The following RNF213 variants were observed in gnomAD, a reference collection of about 807,000 sequenced individuals.
RNF213 encodes the protein ring finger protein 213, also known as E3 ubiquitin-protein ligase RNF213.
Under a neutral mutation model 514.4 loss-of-function variants are expected in RNF213, and 341 were observed. The ratio of observed to expected loss-of-function variants is 0.66; its 90% CI spans 0.61 to 0.73. RNF213 has a LOEUF of 0.73. RNF213 is among the 30% of genes least tolerant of loss of function. RNF213 has a pLI of 0.00. For missense variants in RNF213, 5,767 were observed against 6,615.6 expected (o/e 0.87, Z 4.45); for synonymous variants, 2,655 against 2,658.2 (o/e 1.00, Z 0.04).
chr17:80,281,171 A>C (rs1483326766), intron 3 of RNF213, among the ~76,000 whole-genome samples: 2 of 91,626 alleles, frequency 2.2e-5, no homozygotes, highest in Non-Finnish European at 4.2e-5. Flanking sequence ...ACCCCCACAC[A>C]TACCCTCCAC....
chr17:80,328,267 G>A lies in RNF213; in HGVS notation c.3368-61G>A, dbSNP rs148111185. ...GAAGGTGCGGCGCTTTCAAAGCATT[G>A]CCATGGAAAATGGCATTTGTTGCTG... On this transcript the variant is annotated intron_variant, in intron 19 of 67. Transcript: ENST00000582970. 2.0e-6 allele frequency: 3 copies of A among 1,494,260 alleles called. No homozygotes were observed. In the Admixed American group the frequency reaches 6.4e-5, roughly 32 times the overall value. The allele number at this position is 1,494,260 out of a possible 1,614,324, so 92.6% of individuals were successfully genotyped here.
At position 80,361,752 on chromosome 17, in the gene RNF213, T is replaced by C. The variant is rs780856126; in HGVS notation, c.11219T>C (p.Val3740Ala). 11 of 1,613,700 alleles carry C rather than the reference T, an allele frequency of 6.8e-6. No individual in the cohort carries two copies. The highest frequency in any genetic ancestry group is 9.3e-6 in the Non-Finnish European group (11 of 1,179,826). Residue 3740 changes from valine (V) to alanine (A), a missense_variant, in exon 39 of 68, where the codon GTG becomes GCG. Physicochemically the swap from Val to Ala is moderately conservative, Grantham distance 64. Around this residue, in one of 13 missense-constraint regions of RNF213, gnomAD observed 355 missense variants for 358.0 expected, o/e 0.99. Transcript: ENST00000582970. ...TDAEGLPKKFVDIFQQTPLGR... is the reference protein window; with the variant it reads ...TDAEGLPKKFADIFQQTPLGR... ...TCTGCAGGACTGCCCAAGAAGTTCG[T>C]GGACATCTTTCAGCAGACTCCTCTG...
In RNF213 at chr17:80,374,088, C is replaced by T. The variant is rs189883986; in HGVS notation, c.12943-370C>T. On this transcript the variant is annotated intron_variant, in intron 49 of 67. Coordinates refer to ENST00000582970, the MANE Select transcript of RNF213 (RefSeq NM_001256071.3). The stretch of plus-strand genomic sequence containing the variant: ...CAGAAATTAACAAATTCTTATTGTC[C>T]AGGGGATACAAAAATGGTACTAAGA... Among the ~76,000 whole-genome samples, 222 of 152,110 alleles carry T rather than the reference C, an allele frequency of 1.5e-3. 1 individual carries two copies. The highest frequency in any genetic ancestry group is 1.6e-3 in the Non-Finnish European group (106 of 68,004).
intron 54 of RNF213, 145 bp from the exon 55 acceptor site, chr17:80,379,475 C>T: frequency 1.3e-6 from 1 of 799,490 alleles, no homozygotes; most frequent in Non-Finnish European, 2.2e-6. Context: ...ATGGGTTCTC[C>T]ACCCACCCGA....
chr17:80,286,291 T>G (rs554923859), intron 3 of RNF213, among the ~76,000 whole-genome samples: 23 of 122,378 alleles, frequency 1.9e-4, no homozygotes, highest in East Asian at 5.0e-4. Context: ...GGTCGGGGGG[T>G]GGGGGCGCCT....
intron 8 of RNF213, 56 bp downstream of exon 8, chr17:80,291,883 C>T (rs1266164725): frequency 1.6e-5 from 25 of 1,586,854 alleles, no homozygotes; most frequent in East Asian, 9.0e-5. Context: ...GTGCCAATCC[C>T]GCGGTACTGG....
In RNF213 at chr17:80,273,397, T is replaced by C; in HGVS notation, c.254T>C (p.Val85Ala). ...EEPCSKASWT[V>A]QESKKKKRKK... is the part of the protein sequence containing the mutation. ...CCCTGTTCCAAAGCCTCCTGGACCGTCCAAGAAGTGAGTGCACTGCCTCGG... is the reference window on the plus strand; with the variant it reads ...CCCTGTTCCAAAGCCTCCTGGACCGCCCAAGAAGTGAGTGCACTGCCTCGG... Residue 85 changes from valine to alanine, a missense_variant, in exon 3 of 68, where the codon GTC becomes GCC. Physicochemically the swap from Val to Ala is moderately conservative, Grantham distance 64. Around this residue, in one of 13 missense-constraint regions of RNF213, gnomAD observed 509 missense variants for 496.7 expected, o/e 1.02. Coordinates refer to ENST00000582970, the MANE Select transcript of RNF213 (RefSeq NM_001256071.3). The C allele has an allele frequency of 6.2e-7, 1 of 1,612,586 alleles. No individual in the cohort carries two copies. The highest frequency in any genetic ancestry group is 8.5e-7 in the Non-Finnish European group (1 of 1,179,884).
At chr17:80,269,456 T>C (rs12949523) in intron 2 of RNF213, among the ~76,000 whole-genome samples, 75,403 of 148,894 alleles carry the variant, frequency 0.51, 19,257 homozygotes, top group East Asian at 0.62. Flanking sequence ...ATCCATCTAT[T>C]CATCCATCCA....
intron 46 of RNF213, among the ~76,000 whole-genome samples, chr17:80,370,883 A>G (rs2079492562): frequency 6.6e-6 from 1 of 152,250 alleles, no homozygotes; most frequent in South Asian, 2.1e-4. Flanking sequence ...GTTGGTGATG[A>G]TAACATTCAA....
rs767001783 is a variant in RNF213 at position 80,306,270 on chromosome 17, T to C, written c.2229T>C (p.Phe743=). ...TATGCAGGAGTTCCCTACTTCAGTT[T>C]ATGAGAGAGAAGCAGCATTTGCTGA... ...QMLDTSSLLQ[F]MREKQHLLSI... Residue 743 remains phenylalanine, a synonymous_variant, in exon 12 of 68, where the codon TTT becomes TTC. Transcript: ENST00000582970. 3.1e-6 allele frequency: 5 copies of C among 1,614,070 alleles called. No individual in the cohort carries two copies. The African/African-American group carries it at 6.7e-5, about 22-fold the overall frequency.
intron 46 of RNF213, 93 bp from the exon 47 acceptor site, chr17:80,371,781 C>G (rs988790993): frequency 1.4e-6 from 1 of 725,052 alleles, no homozygotes; most frequent in Non-Finnish European, 2.5e-6. Context: ...CACACACACA[C>G]AGGACAGACG....
chr17:80,364,767 A>T lies in RNF213; in HGVS notation c.11871+214A>T, dbSNP rs934422509. On this transcript the variant is annotated intron_variant, in intron 42 of 67. Coordinates refer to ENST00000582970, the MANE Select transcript of RNF213 (RefSeq NM_001256071.3). The stretch of plus-strand genomic sequence containing the variant: ...CCTCTGCTGATTGCTAAGTCAGAGC[A>T]TATCATTTAGAAGTGATTCCAGGAA... The T allele has an allele frequency of 5.2e-6, 3 of 575,184 alleles. No homozygotes were observed. The Admixed American group carries it at 8.3e-5, about 16-fold the overall frequency. 35.6% of individuals were successfully genotyped at this position (575,184 alleles called of 1,614,324 possible).
At position 80,263,590 on chromosome 17, in the gene RNF213, C is replaced by T. The variant is rs926709224; in HGVS notation, c.-92C>T. 18 of 1,020,952 alleles carry T rather than the reference C, an allele frequency of 1.8e-5. No homozygotes were observed. The highest frequency in any genetic ancestry group is 1.3e-4 in the African/African-American group (8 of 63,326). 63.2% of individuals were successfully genotyped at this position (1,020,952 alleles called of 1,614,324 possible). On this transcript the variant is annotated 5_prime_UTR_variant, in exon 2 of 68. Coordinates refer to ENST00000582970, the MANE Select transcript of RNF213 (RefSeq NM_001256071.3). The surrounding 1 kb of genome is among the most constrained non-coding windows in gnomAD (Gnocchi z 4.9). ...CTTTCGCAGAAAATGAAACTGAAGC[C>T]GTGGTCACGTGACAGGACATGTAGT...
At chr17:80,338,164 G>A (rs938736308) in intron 25 of RNF213, among the ~76,000 whole-genome samples, 167 bp downstream of exon 25, 1 of 152,174 alleles carries the variant, frequency 6.6e-6, no homozygotes. Flanking sequence ...TAGGGTGCAT[G>A]GAACTCTAGT....
chr17:80,289,816 A>G lies in RNF213; in HGVS notation c.1091A>G (p.Asp364Gly). 1 of 1,611,552 alleles carries G rather than the reference A, an allele frequency of 6.2e-7. No individual in the cohort carries two copies. The highest frequency in any genetic ancestry group is 1.1e-5 in the South Asian group (1 of 90,842). ...NEKEQKNQEA[D>G]VQEVKASTLS... is the part of the protein sequence containing the mutation. ...AAGGAGCAAAAAAACCAGGAAGCAG[A>G]TGTCCAGGAAGTGAAGGCAAGGTAG... The change falls in exon 6 of 68, where the codon GAT becomes GGT. Residue 364 changes from aspartate to glycine, a missense_variant. By Grantham distance (94) the Asp-to-Gly change is moderately conservative. This residue lies in a region of RNF213 where 509 missense variants were observed against 496.7 expected (regional missense o/e 1.02). Coordinates refer to ENST00000582970, the MANE Select transcript of RNF213 (RefSeq NM_001256071.3).
intron 62 of RNF213, 70 bp downstream of exon 62, chr17:80,386,500 C>A (rs556402516): frequency 1.3e-6 from 2 of 1,551,600 alleles, no homozygotes; most frequent in Admixed American, 1.7e-5. Context: ...GGGGCAGACA[C>A]AAGCAAGCTT....
chr17:80,343,517 G>A lies in RNF213; in HGVS notation c.6183+192G>A, dbSNP rs780148599. Among the ~76,000 whole-genome samples, 1 of 152,118 alleles carries A rather than the reference G, an allele frequency of 6.6e-6. No homozygotes were observed. Among genetic ancestry groups the A allele is most frequent in the Admixed American group, 6.6e-5 (1 of 15,254 alleles). On this transcript the variant is annotated intron_variant, in intron 27 of 67. Transcript: ENST00000582970. This position sits in a 1 kb window ranked among gnomAD's most constrained non-coding sequence, Gnocchi z 4.3. The stretch of plus-strand genomic sequence containing the variant: ...TCCTTGTGTGAACGTCATGGTGTGC[G>A]CTTACACTAACCTAGACGTAGAGCC...
In RNF213 at chr17:80,287,977, G is replaced by A; in HGVS notation, c.424G>A (p.Gly142Ser). 6.3e-7 allele frequency: 1 copy of A among 1,575,820 alleles called. No individual in the cohort carries two copies. The highest frequency in any genetic ancestry group is 8.6e-7 in the Non-Finnish European group (1 of 1,161,236). ...ALPHSQAQQS[G>S]PTGQPSQPPG... ...GCCCCACAGCCAAGCCCAGCAGAGT[G>A]GCCCCACTGGCCAGCCGAGCCAGCC... is the stretch of plus-strand genomic sequence containing the variant. Residue 142 changes from glycine (G) to serine (S), a missense_variant, in exon 4 of 68, where the codon GGC becomes AGC. This residue lies in a region of RNF213 where 509 missense variants were observed against 496.7 expected (regional missense o/e 1.02). Transcript: ENST00000582970.
In RNF213 at chr17:80,263,865, G is replaced by T; in HGVS notation, c.97+87G>T. On this transcript the variant is annotated intron_variant, in intron 2 of 67. Transcript: ENST00000582970. This position sits in a 1 kb window ranked among gnomAD's most constrained non-coding sequence, Gnocchi z 4.9. ...CCCTTCCAGGAAATGGAAACCCTGG[G>T]CAGCAGGCAGCTCAGGTGGGGCCGA... 8.8e-7 allele frequency: 1 copy of T among 1,131,738 alleles called. No individual in the cohort carries two copies. Among genetic ancestry groups the T allele is most frequent in the Non-Finnish European group, 1.3e-6 (1 of 751,136 alleles). 70.1% of individuals were successfully genotyped at this position (1,131,738 alleles called of 1,614,324 possible).
Sources: gnomAD v4.1 joint callset for allele counts (sites outside exome capture counted in the v4.1 genomes callset) on GRCh38, gnomAD v4.1.1 for gene constraint, gnomAD v4.1.1 regional missense constraint, Gnocchi (gnomAD v3.1) non-coding constraint, MANE v1.5 for transcripts, NCBI Gene and HGNC (gene_info 2026-07-23, HGNC 2026-07-21) for gene names.